Variants in NEDD4L observed in about 807,000 individuals in gnomAD.
NEDD4L encodes the protein E3 ubiquitin-protein ligase NEDD4-like.
NEDD4L carries 54 observed loss-of-function variants against 148.9 expected under a neutral mutation model. The observed-to-expected ratio is 0.36, with a 90% CI of 0.29 to 0.45. The LOEUF (loss-of-function observed/expected upper bound fraction) is 0.45. NEDD4L is among the 20% of genes least tolerant of loss of function. The probability of loss-of-function intolerance (pLI) is 1.00; values close to 1 mark genes in which losing one functional copy is unlikely to be tolerated. For missense variants in NEDD4L, 856 were observed against 1,233.8 expected, an observed-to-expected ratio of 0.69 and a Z score of 4.59; for synonymous variants, 433 against 440.7, an observed-to-expected ratio of 0.98 and a Z score of 0.22.
chr18:58,308,509 C>G (rs1278510515), intron 5 of NEDD4L, among the ~76,000 whole-genome samples: 1 of 152,212 alleles, frequency 6.6e-6, no homozygotes, highest in African/African-American at 2.4e-5. Flanking sequence ...TGAAAAGGTA[C>G]AACATTGAAG....
At position 58,398,592 on chromosome 18, in the gene NEDD4L, G is replaced by C. The variant is rs896660382; in HGVS notation, c.*2323G>C. The C allele has an allele frequency of 6.6e-6, 1 of 152,214 alleles. No homozygotes were observed. Among genetic ancestry groups the C allele is most frequent in the Non-Finnish European group, 1.5e-5 (1 of 68,042 alleles). 9.4% of individuals were successfully genotyped at this position (152,214 alleles called of 1,614,324 possible). ...TGAATACTTGGAAGGCAGTAATTGT[G>C]AGTGACACCTCAGTTCATCAACCCC... On this transcript the variant is annotated 3_prime_UTR_variant, in exon 31 of 31. Transcript: ENST00000400345.
intron 1 of NEDD4L, among the ~76,000 whole-genome samples, chr18:58,083,417 G>A (rs1336283830): frequency 6.6e-6 from 1 of 152,204 alleles, no homozygotes; most frequent in Non-Finnish European, 1.5e-5. Flanking sequence ...GCCGGGTGCG[G>A]TGGCTCACGC....
intron 6 of NEDD4L, among the ~76,000 whole-genome samples, chr18:58,318,677 A>T (rs2058509048): frequency 6.6e-6 from 1 of 152,240 alleles, no homozygotes; most frequent in South Asian, 2.1e-4. Context: ...AATTCATATG[A>T]TATTTGATAA....
intron 1 of NEDD4L, among the ~76,000 whole-genome samples, chr18:58,092,822 A>C (rs925063007): frequency 6.6e-6 from 1 of 151,344 alleles, no homozygotes; most frequent in African/African-American, 2.4e-5. Context: ...TGGTACCAAA[A>C]AAAAAAAAAA....
At chr18:58,049,482 A>G (rs2081755072) in intron 1 of NEDD4L, among the ~76,000 whole-genome samples, 1 of 152,194 alleles carries the variant, frequency 6.6e-6, no homozygotes, top group Non-Finnish European at 1.5e-5. Flanking sequence ...GAATGCTGAC[A>G]GGCCGTTTTC....
intron 5 of NEDD4L, among the ~76,000 whole-genome samples, chr18:58,263,581 C>T (rs2049767894): frequency 6.7e-6 from 1 of 148,358 alleles, no homozygotes; most frequent in Non-Finnish European, 1.5e-5. Flanking sequence ...TTTTAAAATA[C>T]ATTTAATGAC....
At chr18:58,141,409 C>CA (rs1473581887) in intron 1 of NEDD4L, among the ~76,000 whole-genome samples, 1 of 152,096 alleles carries the variant, frequency 6.6e-6, no homozygotes, top group Non-Finnish European at 1.5e-5. Context: ...TAAAATCAAA[C>CA]AAAATTCCTT....
intron 2 of NEDD4L, among the ~76,000 whole-genome samples, chr18:58,172,498 G>T (rs1464023264): frequency 6.6e-6 from 1 of 152,226 alleles, no homozygotes; most frequent in African/African-American, 2.4e-5. Context: ...GTTTACATGG[G>T]AGCTCGTTGG....
intron 1 of NEDD4L, among the ~76,000 whole-genome samples, chr18:58,063,290 C>G (rs1386015116): frequency 6.6e-6 from 1 of 151,730 alleles, no homozygotes; most frequent in Non-Finnish European, 1.5e-5. Flanking sequence ...CTCCTGGGCT[C>G]AGGCAGTCAT....
intron 24 of NEDD4L, among the ~76,000 whole-genome samples, chr18:58,379,935 C>G (rs890469426): frequency 5.9e-5 from 9 of 151,936 alleles, no homozygotes; most frequent in African/African-American, 1.9e-4. Context: ...ATCCTTGGGC[C>G]CTCTCCTCAC....
At chr18:58,174,681 G>C (rs531645479) in intron 2 of NEDD4L, among the ~76,000 whole-genome samples, 1 of 152,142 alleles carries the variant, frequency 6.6e-6, no homozygotes, top group Non-Finnish European at 1.5e-5. Context: ...GGCTACGTGC[G>C]ACTGGAGGGA....
At chr18:58,390,829 C>T (rs1357059579) in intron 29 of NEDD4L, 87 bp downstream of exon 29, 7 of 916,940 alleles carry the variant, frequency 7.6e-6, no homozygotes, top group Non-Finnish European at 1.8e-6. Context: ...GCCGCCAGGC[C>T]TCTGCAGAAG....
Position 58,333,873 on chromosome 18 carries a change from A to C in NEDD4L, c.1046A>C (p.Glu349Ala). The C allele has an allele frequency of 6.2e-7, 1 of 1,613,560 alleles. No homozygotes were observed. Among genetic ancestry groups the C allele is most frequent in the East Asian group, 2.2e-5 (1 of 44,884 alleles). ...RSCSVTDAVA[E>A]QGHLPPPSAP... Reference sequence around the variant, plus strand: ...TGCAGTGTCACCGACGCAGTTGCAGAACAGGGCCATCTACCACCGGTAACC... The same window carrying C: ...TGCAGTGTCACCGACGCAGTTGCAGCACAGGGCCATCTACCACCGGTAACC... Residue 349 changes from glutamate to alanine, a missense_variant, in exon 12 of 31, where the codon GAA becomes GCA. Transcript: ENST00000400345.
At chr18:58,235,948 G>A (rs189751809) in intron 2 of NEDD4L, among the ~76,000 whole-genome samples, 42 of 152,234 alleles carry the variant, frequency 2.8e-4, no homozygotes, top group African/African-American at 7.0e-4. Context: ...CAGGAGAATC[G>A]CTTGAACCTG....
In NEDD4L at chr18:58,256,668, G is replaced by A; in HGVS notation, c.297+4614G>A. The A allele has an allele frequency of 8.1e-7, 1 of 1,232,188 alleles. No homozygotes were observed. The highest frequency in any genetic ancestry group is 1.0e-6 in the Non-Finnish European group (1 of 988,016). 76.3% of individuals were successfully genotyped at this position (1,232,188 alleles called of 1,614,324 possible). ...AAGATCAGGCAGGATCAGAACGCGGGGCAGCAGCATTTTAGAATTCTTGTA... is the reference window on the plus strand; with the variant it reads ...AAGATCAGGCAGGATCAGAACGCGGAGCAGCAGCATTTTAGAATTCTTGTA... On this transcript the variant is annotated intron_variant, in intron 5 of 30. Transcript: ENST00000400345. This position sits in a 1 kb window ranked among gnomAD's most constrained non-coding sequence, Gnocchi z 5.2.
At chr18:58,211,719 A>C (rs1305568640) in intron 2 of NEDD4L, among the ~76,000 whole-genome samples, 1 of 152,248 alleles carries the variant, frequency 6.6e-6, no homozygotes, top group Non-Finnish European at 1.5e-5. Flanking sequence ...GATTTGGCTT[A>C]CAAGTAATGA....
In NEDD4L at chr18:58,176,298, T is replaced by C. The variant is rs180770744; in HGVS notation, c.122+10437T>C. Among the ~76,000 whole-genome samples, 55 of 151,978 alleles carry C rather than the reference T, an allele frequency of 3.6e-4. 1 individual carries two copies. The East Asian group carries it at 0.01, about 29-fold the overall frequency. On this transcript the variant is annotated intron_variant, in intron 2 of 30. Coordinates refer to ENST00000400345, the MANE Select transcript of NEDD4L (RefSeq NM_001144967.3). ...GTCCTCTCTCTCTCCTCCTCCTCCT[T>C]CCTTCCTTGCTTCATTTCCCCCCTC...
rs1461966199 is a variant in NEDD4L, at chr18:58,373,281, T to C, written c.2352+12T>C. 6.6e-7 allele frequency: 1 copy of C among 1,505,658 alleles called. No individual in the cohort carries two copies. The highest frequency in any genetic ancestry group is 9.1e-7 in the Non-Finnish European group (1 of 1,097,996). 93.3% of individuals were successfully genotyped at this position (1,505,658 alleles called of 1,614,324 possible). Reference sequence around the variant, plus strand: ...AAAACTTTGGACAGGTACATGTGGGTAACCCTGGGAACTCTTCTTTAGCTT... The same window carrying C: ...AAAACTTTGGACAGGTACATGTGGGCAACCCTGGGAACTCTTCTTTAGCTT... On this transcript the variant is annotated intron_variant, in intron 24 of 30. Transcript: ENST00000400345.
rs766056013 is a variant in NEDD4L, at chr18:58,367,779, A to C, written c.2097A>C (p.Ser699=). 8.1e-6 allele frequency: 13 copies of C among 1,613,652 alleles called. No individual in the cohort carries two copies. The highest frequency in any genetic ancestry group is 1.1e-5 in the Non-Finnish European group (13 of 1,179,576). ...DNYTLQINPN[S]GLCNEDHLSY... is the part of the protein sequence containing the mutation. Reference sequence around the variant, plus strand: ...ACACCCTTCAGATCAACCCTAATTCAGGCCTCTGTAATGAGGATCATTTGT... The same window carrying C: ...ACACCCTTCAGATCAACCCTAATTCCGGCCTCTGTAATGAGGATCATTTGT... The change falls in exon 22 of 31, where the codon TCA becomes TCC. Residue 699 remains serine, a synonymous_variant. Transcript: ENST00000400345.
Sources: gnomAD v4.1 joint callset for allele counts (sites outside exome capture counted in the v4.1 genomes callset) on GRCh38, gnomAD v4.1.1 for gene constraint, Gnocchi (gnomAD v3.1) non-coding constraint, MANE v1.5 for transcripts, NCBI Gene and HGNC (gene_info 2026-07-23, HGNC 2026-07-21) for gene names.